GGT5: variants seen among roughly 807,000 people sequenced by gnomAD.
GGT5 encodes the protein glutathione hydrolase 5 proenzyme.
GGT5 carries 50 observed loss-of-function variants against 58.1 expected under a neutral mutation model. The ratio of observed to expected loss-of-function variants is 0.86; its 90% CI spans 0.69 to 1.09. The LOEUF (loss-of-function observed/expected upper bound fraction) is 1.09, where lower values mean the gene tolerates loss of function less well. Ranked by LOEUF, GGT5 falls within the 50% of genes least tolerant of loss-of-function variation. The probability of loss-of-function intolerance (pLI) is 0.00; values close to 1 mark genes in which losing one functional copy is unlikely to be tolerated. For synonymous variants in GGT5, 370 were observed against 346.1 expected (o/e 1.07, Z -0.77); for missense variants, 800 against 789.4 (o/e 1.01, Z -0.16).
intron 11 of GGT5, among the ~76,000 whole-genome samples, chr22:24,222,283 C>A (rs142483653): frequency 5.3e-5 from 8 of 152,160 alleles, no homozygotes; most frequent in Non-Finnish European, 7.3e-5. Flanking sequence ...CTAGATGCAT[C>A]GGGTGATGCC....
At chr22:24,232,772 A>G in intron 4 of GGT5, 51 bp downstream of exon 4, 1 of 1,301,852 alleles carries the variant, frequency 7.7e-7, no homozygotes. Flanking sequence ...CTGGGCCCAG[A>G]CAGGATATGG....
At chr22:24,231,927 C>T (rs1365673779) in intron 5 of GGT5, 124 bp downstream of exon 5, 5 of 790,870 alleles carry the variant, frequency 6.3e-6, no homozygotes, top group Non-Finnish European at 1.0e-5. Context: ...CATGGCCTCT[C>T]GGGGTCCCGG....
intron 1 of GGT5, among the ~76,000 whole-genome samples, chr22:24,236,813 G>A (rs2048111631): frequency 6.6e-6 from 1 of 151,716 alleles, no homozygotes; most frequent in South Asian, 2.1e-4. Context: ...CTGGTAATGG[G>A]AGACTGTAAT....
At chr22:24,221,794 C>CCG (rs1375213467) in intron 11 of GGT5, among the ~76,000 whole-genome samples, 3 of 152,028 alleles carry the variant, frequency 2.0e-5, no homozygotes, top group African/African-American at 4.8e-5. Flanking sequence ...GCGGGAGCCA[C>CCG]CGCGCGCAGC....
rs2047746987 is a variant in GGT5, at chr22:24,225,953, G to C, written c.1229+123C>G. On this transcript the variant is annotated intron_variant, in intron 8 of 11. Coordinates refer to ENST00000327365, the MANE Select transcript of GGT5 (RefSeq NM_004121.5). ...TGGGGGCCTCTTTTGAAATAGAGGA[G>C]GAGAAAAAGGGCAAAAGCAAGGTGC... 1.4e-5 allele frequency: 10 copies of C among 699,922 alleles called. No homozygotes were observed. The South Asian group carries it at 1.9e-4, about 13-fold the overall frequency. The allele number at this position is 699,922 out of a possible 1,614,324, so 43.4% of individuals were successfully genotyped here.
At chr22:24,229,384 C>T (rs535746034) in intron 6 of GGT5, among the ~76,000 whole-genome samples, 24 of 150,484 alleles carry the variant, frequency 1.6e-4, no homozygotes, top group East Asian at 3.9e-4. Context: ...CCAGCCTTGG[C>T]GACAGAGCGA....
At position 24,226,237 on chromosome 22, in the gene GGT5, G is replaced by T. The variant is rs761965748; in HGVS notation, c.1068C>A (p.Thr356=). The stretch of plus-strand genomic sequence containing the variant: ...TCTGTTGGCGGATGAGCTGGGCCAG[G>T]GTCTCCCCCAGCAGGTCCCGGGAGG... The part of the protein sequence containing the change: ...QNASRDLLGE[T]LAQLIRQQID... Residue 356 remains threonine (T), a synonymous_variant, in exon 8 of 12, where the codon ACC becomes ACA. Transcript: ENST00000327365. The T allele has an allele frequency of 1.9e-5, 31 of 1,607,102 alleles. No homozygotes were observed. The highest frequency in any genetic ancestry group is 2.5e-5 in the Non-Finnish European group (29 of 1,178,988).
chr22:24,239,550 G>A (rs2048273750), intron 1 of GGT5, among the ~76,000 whole-genome samples: 2 of 151,896 alleles, frequency 1.3e-5, no homozygotes, highest in Admixed American at 1.3e-4. Context: ...AAATGAGCTT[G>A]GCCATAAGAT....
chr22:24,231,603 G>C, intron 5 of GGT5, 73 bp from the exon 6 acceptor site: 2 of 1,421,456 alleles, frequency 1.4e-6, no homozygotes, highest in Non-Finnish European at 1.9e-6. Flanking sequence ...CTGCTGTCAG[G>C]TCACACAATG....
chr22:24,235,441 G>T (rs562277382), intron 1 of GGT5, among the ~76,000 whole-genome samples: 5 of 152,028 alleles, frequency 3.3e-5, no homozygotes, highest in Non-Finnish European at 7.4e-5. Flanking sequence ...CACCCACCCC[G>T]TGGGACCTCT....
rs71189232 is a variant in GGT5, at chr22:24,235,050, C to CTTT, written c.174-1049_174-1047dup. On this transcript the variant is annotated intron_variant, in intron 1 of 11. Transcript: ENST00000327365. Reference sequence around the variant, plus strand: ...CCTCCCCAGCACCTCAAGAAGCCAGCTTTTTTTTTTTTTTTTTTTTTTTTT... The same window carrying CTTT: ...CCTCCCCAGCACCTCAAGAAGCCAGCTTTTTTTTTTTTTTTTTTTTTTTTTTTT... 1.1e-3 allele frequency among the ~76,000 whole-genome samples: 85 copies of CTTT among 75,648 alleles called. 10 individuals carry two copies. The highest frequency in any genetic ancestry group is 2.4e-3 in the African/African-American group (44 of 18,426). 49.6% of individuals were successfully genotyped at this position (75,648 alleles called of 152,430 possible).
chr22:24,219,960 G>C lies in GGT5; in HGVS notation c.*10C>G. 2 of 1,613,736 alleles carry C rather than the reference G, an allele frequency of 1.2e-6. No homozygotes were observed. The highest frequency in any genetic ancestry group is 1.7e-6 in the Non-Finnish European group (2 of 1,179,724). On this transcript the variant is annotated 3_prime_UTR_variant, in exon 12 of 12. Transcript: ENST00000327365. ...TGGGGCCAGACTTCAGCTCTGGGCA[G>C]AGCAGTGTCTTAGTAGCCTGCGGCC...
chr22:24,221,908 G>A (rs980057256), intron 11 of GGT5, among the ~76,000 whole-genome samples: 1 of 151,936 alleles, frequency 6.6e-6, no homozygotes, highest in Admixed American at 6.6e-5. Flanking sequence ...AGCCAGGCGC[G>A]GTGGTCATGC....
rs1365952616 is a variant in GGT5 at position 24,237,780 on chromosome 22, G to A, written c.174-3776C>T. Among the ~76,000 whole-genome samples the A allele has an allele frequency of 2.6e-5, 4 of 152,096 alleles. No individual in the cohort carries two copies. In the South Asian group the frequency reaches 8.3e-4, roughly 32 times the overall value. On this transcript the variant is annotated intron_variant, in intron 1 of 11. Coordinates refer to ENST00000327365, the MANE Select transcript of GGT5 (RefSeq NM_004121.5). ...AGCAAACAAGGAAATAAGACAGCAGGAACAAAGCTCATGAGAAAGCACAGA... is the reference window on the plus strand; with the variant it reads ...AGCAAACAAGGAAATAAGACAGCAGAAACAAAGCTCATGAGAAAGCACAGA...
intron 6 of GGT5, among the ~76,000 whole-genome samples, chr22:24,228,069 A>C (rs889213796): frequency 4.5e-5 from 4 of 89,550 alleles, no homozygotes; most frequent in Non-Finnish European, 9.5e-5. Flanking sequence ...AAAAAAAACA[A>C]AACAAAAAAA....
intron 8 of GGT5, 23 bp downstream of exon 8, chr22:24,226,053 G>T: frequency 6.6e-7 from 1 of 1,516,902 alleles, no homozygotes; most frequent in Non-Finnish European, 8.9e-7. Context: ...GAAGCCATCC[G>T]CCTTCCCCCA....
chr22:24,231,665 A>G, intron 5 of GGT5, 135 bp from the exon 6 acceptor site: 3 of 913,034 alleles, frequency 3.3e-6, no homozygotes, highest in Non-Finnish European at 3.3e-6. Context: ...GTAGGTCTGT[A>G]GGCAGTGGCC....
intron 1 of GGT5, among the ~76,000 whole-genome samples, chr22:24,238,067 A>G (rs1446491495): frequency 1.3e-5 from 2 of 151,440 alleles, no homozygotes; most frequent in Non-Finnish European, 1.5e-5. Flanking sequence ...CATCTCTACC[A>G]AAAATACAAA....
At chr22:24,226,402 C>G (rs1346672892) in intron 7 of GGT5, 136 bp from the exon 8 acceptor site, 4 of 779,510 alleles carry the variant, frequency 5.1e-6, no homozygotes, top group East Asian at 2.7e-5. Context: ...TCCCTCAAGC[C>G]CAGCTAGGTC....
Sources: allele counts gnomAD v4.1 joint callset (sites outside exome capture counted in the v4.1 genomes callset), GRCh38; gene constraint gnomAD v4.1.1; transcripts MANE v1.5; gene names NCBI Gene and HGNC (gene_info 2026-07-23, HGNC 2026-07-21).